USP28: variants seen among roughly 807,000 people sequenced by gnomAD.
USP28 encodes the protein ubiquitin carboxyl-terminal hydrolase 28.
Under a neutral mutation model 145.0 loss-of-function variants are expected in USP28, and 113 were observed. That is an observed-to-expected ratio of 0.78 (90% CI 0.67 to 0.91). USP28 has a LOEUF of 0.91. Ranked by LOEUF, USP28 falls within the 40% of genes least tolerant of loss-of-function variation. The pLI is 0.00. For missense variants in USP28, 1,201 were observed against 1,289.6 expected (o/e 0.93, Z 1.05); for synonymous variants, 447 against 450.9 (o/e 0.99, Z 0.11).
rs1039281818 is a variant in USP28, at chr11:113,804,917, G to C, written c.2530C>G (p.Arg844Gly). The C allele has an allele frequency of 5.6e-6, 9 of 1,614,052 alleles. No homozygotes were observed. The highest frequency in any genetic ancestry group is 7.6e-6 in the Non-Finnish European group (9 of 1,180,034). Reference sequence around the variant, plus strand: ...TCTGCAAACTGTTCCAGAAGGGTTCGTTCTACTACCCTTTTGGGTGCTTCA... The same window carrying C: ...TCTGCAAACTGTTCCAGAAGGGTTCCTTCTACTACCCTTTTGGGTGCTTCA... The change falls in exon 20 of 25, where the codon CGA (arginine) becomes GGA (glycine). Residue 844 changes from arginine to glycine, a missense_variant. Coordinates refer to ENST00000003302, the Ensembl canonical transcript of USP28.
chr11:113,874,689 C>G (rs1025426827), intron 1 of USP28: 28 of 1,218,302 alleles, frequency 2.3e-5, no homozygotes, highest in Admixed American at 6.3e-5. Context: ...AAGACATGCT[C>G]AAATTGCCCT....
intron 3 of USP28, among the ~76,000 whole-genome samples, chr11:113,845,996 T>C (rs1026833498): frequency 2.0e-5 from 3 of 152,210 alleles, no homozygotes; most frequent in African/African-American, 4.8e-5. Context: ...ACATGGCATA[T>C]ACATACAATG....
chr11:113,805,387 C>T (rs1939776210), intron 19 of USP28, among the ~76,000 whole-genome samples: 1 of 151,808 alleles, frequency 6.6e-6, no homozygotes, highest in South Asian at 2.1e-4. Flanking sequence ...TCCCAAGTAG[C>T]TGGGACTACA....
At chr11:113,807,900 G>A in intron 18 of USP28, 51 bp downstream of exon 19, 1 of 987,040 alleles carries the variant, frequency 1.0e-6, no homozygotes, top group Non-Finnish European at 1.2e-6. Context: ...CACAAGAGAA[G>A]GAAATATAAG....
intron 1 of USP28, among the ~76,000 whole-genome samples, chr11:113,867,688 T>C (rs1347911330): frequency 6.6e-6 from 1 of 151,700 alleles, no homozygotes; most frequent in Non-Finnish European, 1.5e-5. Context: ...CGATCATGCC[T>C]GTGAATAGCC....
intron 18 of USP28, among the ~76,000 whole-genome samples, chr11:113,807,659 T>C (rs901479138): frequency 1.1e-4 from 17 of 152,168 alleles, no homozygotes; most frequent in African/African-American, 4.1e-4. Flanking sequence ...CAATCTTTTG[T>C]CCATAATACC....
chr11:113,803,461 G>C (rs1271108870), intron 22 of USP28, among the ~76,000 whole-genome samples, 180 bp from the exon 24 acceptor site: 1 of 152,148 alleles, frequency 6.6e-6, no homozygotes, highest in African/African-American at 2.4e-5. Context: ...AAGCAAATAT[G>C]AAACTTCCCT....
At chr11:113,809,303 T>C in intron 16 of USP28, 49 bp from the exon 17 acceptor site, 2 of 1,542,916 alleles carry the variant, frequency 1.3e-6, no homozygotes, top group Non-Finnish European at 1.8e-6. Flanking sequence ...AACGAAAACA[T>C]CCTTTTTAGA....
intron 1 of USP28, among the ~76,000 whole-genome samples, chr11:113,862,899 AG>A (rs1485400569): frequency 6.6e-6 from 1 of 152,204 alleles, no homozygotes; most frequent in Non-Finnish European, 1.5e-5. Context: ...AACATGATAC[AG>A]GGCCTTTATA....
At chr11:113,811,869 T>C (rs1941047097) in intron 16 of USP28, among the ~76,000 whole-genome samples, 9 of 152,122 alleles carry the variant, frequency 5.9e-5, no homozygotes, top group Admixed American at 4.6e-4. Flanking sequence ...TGAATTACTA[T>C]ATAGTTGTTA....
In USP28 at chr11:113,803,794, A is replaced by G. The variant is rs762157710; in HGVS notation, c.2738+4T>C. On this transcript the variant is annotated splice_donor_region_variant and intron_variant, in intron 22 of 24. Coordinates refer to ENST00000003302, the Ensembl canonical transcript of USP28. Reference sequence around the variant, plus strand: ...AATCTTGGTAAAATAAAAGGCCAACATACTTTCCTTTTTGATAGAGTTCTA... The same window carrying G: ...AATCTTGGTAAAATAAAAGGCCAACGTACTTTCCTTTTTGATAGAGTTCTA... 9.3e-6 allele frequency: 15 copies of G among 1,610,630 alleles called. No individual in the cohort carries two copies. Among genetic ancestry groups the G allele is most frequent in the Non-Finnish European group, 1.3e-5 (15 of 1,178,982 alleles).
chr11:113,827,806 C>G (rs1188386216), intron 10 of USP28, among the ~76,000 whole-genome samples: 1 of 152,204 alleles, frequency 6.6e-6, no homozygotes, highest in Non-Finnish European at 1.5e-5. Flanking sequence ...TAAAAAGACT[C>G]ATATGTGTAC....
chr11:113,841,634 G>T, intron 4 of USP28, 29 bp downstream of exon 4: 1 of 1,476,222 alleles, frequency 6.8e-7, no homozygotes, highest in South Asian at 1.2e-5. Flanking sequence ...CAAATGTGGG[G>T]GGCAAGAATT....
chr11:113,872,999 C>A (rs1948985037), intron 1 of USP28, among the ~76,000 whole-genome samples: 1 of 152,136 alleles, frequency 6.6e-6, no homozygotes, highest in Admixed American at 6.6e-5. Context: ...TTTTGTCTGT[C>A]CTGTGTACAA....
chr11:113,818,819 C>A (rs181641512), intron 12 of USP28, among the ~76,000 whole-genome samples: 2 of 151,844 alleles, frequency 1.3e-5, no homozygotes, highest in South Asian at 2.1e-4. Flanking sequence ...CAAGATCATG[C>A]CACTGTGCTC....
At chr11:113,874,979 A>G in intron 1 of USP28, 1 of 937,266 alleles carries the variant, frequency 1.1e-6, no homozygotes, top group South Asian at 4.7e-5. Flanking sequence ...CCCTGGTCTT[A>G]TAGAAGACGG....
intron 1 of USP28, among the ~76,000 whole-genome samples, chr11:113,863,871 GGAGGCGGAGCTTGCAGT>G (rs920571877): frequency 6.9e-6 from 1 of 145,864 alleles, no homozygotes; most frequent in African/African-American, 2.6e-5. Flanking sequence ...CATGAACCCG[GGAGGCGGAGCTTGCAGT>G]GAGCCGAGAT....
chr11:113,827,554 A>G (rs1278331488), intron 10 of USP28, among the ~76,000 whole-genome samples, 194 bp from the exon 11 acceptor site: 1 of 152,216 alleles, frequency 6.6e-6, no homozygotes, highest in African/African-American at 2.4e-5. Context: ...TCTCTTACAG[A>G]ATATGGTTCA....
intron 18 of USP28, among the ~76,000 whole-genome samples, chr11:113,807,315 C>T (rs894615098): frequency 6.6e-6 from 1 of 152,070 alleles, no homozygotes; most frequent in African/African-American, 2.4e-5. Flanking sequence ...CCGAGGTGAT[C>T]CACCCGCCTT....
Sources: allele counts gnomAD v4.1 joint callset (sites outside exome capture counted in the v4.1 genomes callset), GRCh38; gene constraint gnomAD v4.1.1; transcripts MANE v1.5; gene names NCBI Gene and HGNC (gene_info 2026-07-23, HGNC 2026-07-21).